The following XG variants were observed in gnomAD, a reference collection of about 807,000 sequenced individuals.
XG encodes the protein Xg glycoprotein (Xg blood group).
XG carries 24 observed loss-of-function variants against 25.7 expected under a neutral mutation model. The observed-to-expected ratio is 0.93, with a 90% CI of 0.68 to 1.31. The LOEUF is 1.31. Ranked by LOEUF, XG falls within the 40% of genes most tolerant of loss-of-function variation. The pLI is 0.00. For synonymous variants in XG, 77 were observed against 69.2 expected, an observed-to-expected ratio of 1.11 and a Z score of -0.56; for missense variants, 181 against 187.6, an observed-to-expected ratio of 0.96 and a Z score of 0.21.
chrX:2,792,412 G>A (rs111274912), intron 5 of XG, among the ~76,000 whole-genome samples: 1 of 111,238 alleles, frequency 9.0e-6, no homozygotes, highest in Non-Finnish European at 1.9e-5. Flanking sequence ...ACAGCTCACT[G>A]CAGCCTCCAC....
At chrX:2,786,813 A>G (rs2086788484) in intron 4 of XG, among the ~76,000 whole-genome samples, 1 of 111,553 alleles carries the variant, frequency 9.0e-6, no homozygotes, top group South Asian at 3.9e-4. Context: ...AGACACACAC[A>G]GAGGAAAGAT....
intron 1 of XG, among the ~76,000 whole-genome samples, chrX:2,764,044 C>T (rs979698586): frequency 6.6e-6 from 1 of 152,162 alleles, no homozygotes; most frequent in African/African-American, 2.4e-5. Flanking sequence ...GTCATAAAGA[C>T]CTTGCTGATG....
intron 1 of XG, among the ~76,000 whole-genome samples, chrX:2,766,790 C>T (rs977424697): frequency 2.6e-5 from 4 of 151,742 alleles, no homozygotes; most frequent in East Asian, 1.9e-4. Flanking sequence ...TGGTCTCGAT[C>T]TCCTGACCTC....
rs1491288808 is a variant in XG at position 2,815,821 on chromosome X, A to ACACACACACACACCCC, written c.*1442_*1443insACACACACACACCCCC. ...TAGTTACACACACACACACACACAC[A>ACACACACACACACCCC]CCTACTTAAATGGAATCTAAACATT... On this transcript the variant is annotated 3_prime_UTR_variant, in exon 11 of 11. Coordinates refer to ENST00000644266, the MANE Select transcript of XG (RefSeq NM_001141919.2). 1.7e-4 allele frequency: 18 copies of ACACACACACACACCCC among 107,754 alleles called. No individual in the cohort carries two copies. The highest frequency in any genetic ancestry group is 3.5e-4 in the Non-Finnish European group (18 of 51,983). The allele number at this position is 107,754 out of a possible 1,213,427, so 8.9% of individuals were successfully genotyped here. A position where few individuals can be genotyped will look rare whatever the true frequency, so the allele number is the denominator to read the frequency against.
chrX:2,807,742 C>T (rs376778467), intron 8 of XG, among the ~76,000 whole-genome samples: 2 of 112,068 alleles, frequency 1.8e-5, no homozygotes, highest in East Asian at 2.8e-4. Flanking sequence ...CGTGTGTATG[C>T]GTGCTTGTCT....
chrX:2,765,870 T>G (rs1172145738), intron 1 of XG, among the ~76,000 whole-genome samples: 1 of 152,238 alleles, frequency 6.6e-6, no homozygotes, highest in Non-Finnish European at 1.5e-5. Context: ...TCTGGGGTCG[T>G]GGCCCCTGAA....
intron 3 of XG, among the ~76,000 whole-genome samples, chrX:2,781,348 C>T (rs1259327275): frequency 6.6e-6 from 1 of 151,544 alleles, no homozygotes; most frequent in Admixed American, 6.6e-5. Context: ...CTGCAAACCT[C>T]CTGGATTTAG....
chrX:2,801,810 G>A (rs769834044), intron 7 of XG, among the ~76,000 whole-genome samples: 15 of 111,196 alleles, frequency 1.3e-4, no homozygotes, highest in South Asian at 3.8e-4. Context: ...CCGGGTTCAC[G>A]CCATTCTCCT....
At chrX:2,788,558 A>C (rs773730519) in intron 4 of XG, among the ~76,000 whole-genome samples, 1 of 111,809 alleles carries the variant, frequency 8.9e-6, no homozygotes, top group East Asian at 2.8e-4. Flanking sequence ...GCCACCTGCA[A>C]AAGTCCTGGG....
intron 1 of XG, among the ~76,000 whole-genome samples, chrX:2,759,797 G>A (rs906209129): frequency 6.6e-5 from 10 of 152,196 alleles, no homozygotes; most frequent in Non-Finnish European, 1.5e-4. Context: ...CTGCCTGCAG[G>A]TGGGGCTCTG....
chrX:2,793,090 CAG>C (rs1313455056), intron 5 of XG, among the ~76,000 whole-genome samples: 2 of 109,517 alleles, frequency 1.8e-5, no homozygotes, highest in Non-Finnish European at 3.8e-5. Context: ...TTTGTAGAGA[CAG>C]GGGGTCTCAC....
At chrX:2,804,150 A>G (rs2086971312) in intron 7 of XG, among the ~76,000 whole-genome samples, 1 of 112,330 alleles carries the variant, frequency 8.9e-6, no homozygotes, top group Non-Finnish European at 1.9e-5. Flanking sequence ...GCCCTAAACT[A>G]TAATTTTTAA....
intron 8 of XG, among the ~76,000 whole-genome samples, chrX:2,807,446 ATG>A (rs1417751075): frequency 1.8e-5 from 2 of 112,695 alleles, no homozygotes; most frequent in Admixed American, 9.2e-5. Context: ...ACACACATGA[ATG>A]TGTTTGTGTG....
At chrX:2,752,719 A>G (rs930260736) in intron 1 of XG, among the ~76,000 whole-genome samples, 34 of 152,336 alleles carry the variant, frequency 2.2e-4, no homozygotes, top group Non-Finnish European at 8.8e-5. Flanking sequence ...GACCATTTCC[A>G]TACAGTAAAA....
At chrX:2,758,772 A>AT (rs2050492481) in intron 1 of XG, among the ~76,000 whole-genome samples, 1 of 152,150 alleles carries the variant, frequency 6.6e-6, no homozygotes, top group Non-Finnish European at 1.5e-5. Flanking sequence ...CCAACCTCAT[A>AT]TGTCAGTAGG....
At chrX:2,775,482 G>C (rs2050957858) in intron 3 of XG, among the ~76,000 whole-genome samples, 1 of 152,188 alleles carries the variant, frequency 6.6e-6, no homozygotes, top group Admixed American at 6.5e-5. Context: ...AGGGGAAAGA[G>C]AGAGTGACTG....
intron 7 of XG, among the ~76,000 whole-genome samples, chrX:2,803,113 A>G (rs1050679506): frequency 9.0e-6 from 1 of 111,692 alleles, no homozygotes; most frequent in African/African-American, 3.3e-5. Flanking sequence ...CAAATTTAAT[A>G]TTTTTACAGA....
At chrX:2,774,444 G>A (rs2050929884) in intron 2 of XG, among the ~76,000 whole-genome samples, 1 of 151,696 alleles carries the variant, frequency 6.6e-6, no homozygotes, top group Non-Finnish European at 1.5e-5. Context: ...TCTACGGGCA[G>A]GTGGCTCACT....
intron 1 of XG, among the ~76,000 whole-genome samples, chrX:2,758,944 T>C (rs36126805): frequency 0.056 from 3,252 of 57,964 alleles, 119 homozygotes; most frequent in African/African-American, 0.16. Flanking sequence ...CTGTCATCTA[T>C]TATCTATCTA....
Sources: gnomAD v4.1 joint callset for allele counts (sites outside exome capture counted in the v4.1 genomes callset) on GRCh38, gnomAD v4.1.1 for gene constraint, MANE v1.5 for transcripts, NCBI Gene and HGNC (gene_info 2026-07-23, HGNC 2026-07-21) for gene names.